The following ABTB3 variants were observed in gnomAD, a reference collection of about 807,000 sequenced individuals.
The protein encoded by ABTB3 is ankyrin repeat- and BTB/POZ domain-containing protein 3.
the ABTB3 span, among the ~76,000 whole-genome samples, chr12:107,379,591 G>A: frequency 6.6e-6 from 1 of 152,074 alleles, no homozygotes; most frequent in East Asian, 1.9e-4. Flanking sequence ...CCAGTCTCAG[G>A]TATTTCTTCA....
At chr12:107,583,840 TC>T in the ABTB3 span, among the ~76,000 whole-genome samples, 1 of 152,162 alleles carries the variant, frequency 6.6e-6, no homozygotes, top group African/African-American at 2.4e-5. Context: ...TTCCTCTGAG[TC>T]CCTGGGCTCT....
chr12:107,640,197 G>A, the ABTB3 span: 1 of 592,374 alleles, frequency 1.7e-6, no homozygotes, highest in Non-Finnish European at 2.9e-6. Flanking sequence ...TTGCCAAAGA[G>A]TATTTTATCA....
chr12:107,643,341 C>G, the ABTB3 span, among the ~76,000 whole-genome samples: 1 of 146,120 alleles, frequency 6.8e-6, no homozygotes, highest in Non-Finnish European at 1.5e-5. Flanking sequence ...GATGTCAAGG[C>G]GCAGTGAGCC....
At chr12:107,472,753 G>A in the ABTB3 span, among the ~76,000 whole-genome samples, 1 of 152,192 alleles carries the variant, frequency 6.6e-6, no homozygotes, top group African/African-American at 2.4e-5. Flanking sequence ...CCCTCATGGT[G>A]GAAAGATGAA....
At chr12:107,520,827 T>C in the ABTB3 span, among the ~76,000 whole-genome samples, 1 of 152,218 alleles carries the variant, frequency 6.6e-6, no homozygotes, top group Non-Finnish European at 1.5e-5. Context: ...GCTCTGAAGC[T>C]GGCACATTTC....
chr12:107,457,868 G>C, the ABTB3 span, among the ~76,000 whole-genome samples: 1 of 152,200 alleles, frequency 6.6e-6, no homozygotes, highest in African/African-American at 2.4e-5. Flanking sequence ...GGAGACTTTG[G>C]CAACAGAAAG....
chr12:107,550,441 G>A, the ABTB3 span, among the ~76,000 whole-genome samples: 6 of 150,162 alleles, frequency 4.0e-5, no homozygotes, highest in Middle Eastern at 3.4e-3. Flanking sequence ...TTATGGACTC[G>A]TAATATGGAA....
At chr12:107,410,453 A>C in the ABTB3 span, among the ~76,000 whole-genome samples, 4 of 152,102 alleles carry the variant, frequency 2.6e-5, no homozygotes, top group Non-Finnish European at 4.4e-5. Flanking sequence ...TGGGGGATAC[A>C]GGAAGGGAAG....
At chr12:107,508,613 C>T in the ABTB3 span, among the ~76,000 whole-genome samples, 1 of 151,540 alleles carries the variant, frequency 6.6e-6, no homozygotes, top group Admixed American at 6.6e-5. Flanking sequence ...TGCCACCATG[C>T]CCGGCCAATT....
the ABTB3 span, among the ~76,000 whole-genome samples, chr12:107,607,881 G>C: frequency 2.6e-5 from 4 of 152,148 alleles, no homozygotes; most frequent in African/African-American, 9.7e-5. Flanking sequence ...GGGCTCTTGT[G>C]GTCGTTCACT....
At chr12:107,328,069 C>G in the ABTB3 span, among the ~76,000 whole-genome samples, 3 of 152,148 alleles carry the variant, frequency 2.0e-5, no homozygotes, top group African/African-American at 7.2e-5. Flanking sequence ...TGTAAGGGGA[C>G]TGAAAATTAT....
the ABTB3 span, among the ~76,000 whole-genome samples, chr12:107,499,045 G>C: frequency 1.3e-5 from 2 of 152,150 alleles, no homozygotes; most frequent in African/African-American, 4.8e-5. Flanking sequence ...TATGATAAAA[G>C]TTTAGCTGTA....
At chr12:107,641,115 A>G in the ABTB3 span, among the ~76,000 whole-genome samples, 1 of 152,182 alleles carries the variant, frequency 6.6e-6, no homozygotes, top group Non-Finnish European at 1.5e-5. Flanking sequence ...CCTTCCAGGA[A>G]GTTTGCTAAG....
chr12:107,376,933 C>A, the ABTB3 span, among the ~76,000 whole-genome samples: 1 of 152,090 alleles, frequency 6.6e-6, no homozygotes, highest in Non-Finnish European at 1.5e-5. Context: ...AGTCCAGAGT[C>A]CAACATCTCA....
the ABTB3 span, chr12:107,617,469 G>A: frequency 6.2e-6 from 10 of 1,609,366 alleles, no homozygotes; most frequent in Admixed American, 8.4e-5. Flanking sequence ...CAGAGGTCCC[G>A]AGTGGTGTTT....
the ABTB3 span, among the ~76,000 whole-genome samples, chr12:107,342,937 T>G: frequency 6.6e-6 from 1 of 152,208 alleles, no homozygotes; most frequent in African/African-American, 2.4e-5. Flanking sequence ...GAAAGTGTTT[T>G]GCTGTGGCTA....
the ABTB3 span, among the ~76,000 whole-genome samples, chr12:107,624,215 T>A: frequency 6.6e-6 from 1 of 151,744 alleles, no homozygotes; most frequent in Non-Finnish European, 1.5e-5. Flanking sequence ...TTTTAAGTTT[T>A]CAAGTTTTCA....
At chr12:107,331,414 G>T in the ABTB3 span, among the ~76,000 whole-genome samples, 1 of 152,194 alleles carries the variant, frequency 6.6e-6, no homozygotes, top group Non-Finnish European at 1.5e-5. Context: ...AGGTTCACGG[G>T]GACAGGAGTG....
At chr12:107,356,312 G>C in the ABTB3 span, among the ~76,000 whole-genome samples, 4 of 152,218 alleles carry the variant, frequency 2.6e-5, no homozygotes, top group South Asian at 8.3e-4. Flanking sequence ...ATTGATGACA[G>C]AATGAACGGA....
Sources: gnomAD v4.1 joint callset for allele counts (sites outside exome capture counted in the v4.1 genomes callset) on GRCh38, gnomAD v4.1.1 for gene constraint, MANE v1.5 for transcripts, NCBI Gene and HGNC (gene_info 2026-07-23, HGNC 2026-07-21) for gene names.